Variants in SRSF10 observed in about 807,000 individuals in gnomAD.
SRSF10 encodes serine and arginine rich splicing factor 10, also known as serine/arginine-rich splicing factor 10.
A neutral mutation model predicts 32.6 loss-of-function variants in SRSF10; 9 were observed. That is an observed-to-expected ratio of 0.28 (90% CI 0.17 to 0.48). The LOEUF (loss-of-function observed/expected upper bound fraction) is 0.48, where lower values mean the gene tolerates loss of function less well. SRSF10 is among the 20% of genes least tolerant of loss of function. SRSF10 has a pLI of 0.99. For missense variants in SRSF10, 201 were observed against 331.8 expected, an observed-to-expected ratio of 0.61 and a Z score of 3.06; for synonymous variants, 105 against 112.4, an observed-to-expected ratio of 0.93 and a Z score of 0.42.
At chr1:23,972,399 CA>C (rs1193137538) in intron 3 of SRSF10, among the ~76,000 whole-genome samples, 77 of 139,250 alleles carry the variant, frequency 5.5e-4, no homozygotes, top group East Asian at 1.0e-3. Flanking sequence ...ACCCTGTCTC[CA>C]AAAAAAAAAA....
chr1:23,975,169 A>G, intron 2 of SRSF10, 92 bp from the exon 3 acceptor site: 1 of 1,015,442 alleles, frequency 9.8e-7, no homozygotes. Context: ...ACAATCTCCC[A>G]ATATTATTCC....
In SRSF10 at chr1:23,969,193, T is replaced by A. The variant is rs1467374556; in HGVS notation, c.*1949A>T. 2.0e-6 allele frequency: 2 copies of A among 984,828 alleles called. No homozygotes were observed. Among genetic ancestry groups the A allele is most frequent in the Non-Finnish European group, 2.4e-6 (2 of 829,112 alleles). The allele number at this position is 984,828 out of a possible 1,614,324, so 61.0% of individuals were successfully genotyped here. ...ATGTTTTAAAGGTTGTACACAATAT[T>A]TGTTAAAAAGAACATATAAAAATAC... is the stretch of plus-strand genomic sequence containing the variant. On this transcript the variant is annotated 3_prime_UTR_variant, in exon 6 of 6. Coordinates refer to ENST00000492112, the MANE Select transcript of SRSF10 (RefSeq NM_054016.4).
intron 3 of SRSF10, among the ~76,000 whole-genome samples, chr1:23,974,062 G>A (rs1641933624): frequency 6.6e-6 from 1 of 151,034 alleles, no homozygotes; most frequent in Admixed American, 6.6e-5. Context: ...CATGATCTCG[G>A]CTCACTGCAA....
chr1:23,980,189 A>G lies in SRSF10; in HGVS notation c.65+2T>C, dbSNP rs1251936741. 6.5e-7 allele frequency: 1 copy of G among 1,529,572 alleles called. No individual in the cohort carries two copies. The allele number at this position is 1,529,572 out of a possible 1,614,324, so 94.8% of individuals were successfully genotyped here. On this transcript the variant is annotated splice_donor_variant, in intron 1 of 5. Coordinates refer to ENST00000492112, the MANE Select transcript of SRSF10 (RefSeq NM_054016.4). LOFTEE classifies it high-confidence loss of function. ...GGCCCGGAGTACCTGCCTTGTACCT[A>G]CCTGGTGTCGTCGGCCACGTTCCTG...
chr1:23,974,298 A>C (rs1641951675), intron 3 of SRSF10, among the ~76,000 whole-genome samples: 1 of 152,264 alleles, frequency 6.6e-6, no homozygotes, highest in Non-Finnish European at 1.5e-5. Flanking sequence ...ATCTTGCCCA[A>C]GGTAACATAA....
Position 23,971,444 on chromosome 1 carries a change from C to T in SRSF10, c.492-5G>A. On this transcript the variant is annotated splice_polypyrimidine_tract_variant and splice_region_variant and intron_variant, in intron 5 of 5. Coordinates refer to ENST00000492112, the MANE Select transcript of SRSF10 (RefSeq NM_054016.4). ...GATCGATTTCGGTGTTTGAATCTTT[C>T]AAAACAGAGGAGAGATATAATTAGA... 6.2e-7 allele frequency: 1 copy of T among 1,605,914 alleles called. No homozygotes were observed. The highest frequency in any genetic ancestry group is 8.5e-7 in the Non-Finnish European group (1 of 1,177,658).
intron 2 of SRSF10, chr1:23,978,315 AAAG>A (rs1642208091): frequency 8.0e-6 from 8 of 994,348 alleles, no homozygotes; most frequent in Non-Finnish European, 8.4e-6. Flanking sequence ...GGACAATATT[AAAG>A]AAGTTTACCT....
chr1:23,968,194 T>C lies in SRSF10; in HGVS notation c.*2948A>G, dbSNP rs1409043717. Among the ~76,000 whole-genome samples, 1 of 152,114 alleles carries C rather than the reference T, an allele frequency of 6.6e-6. No homozygotes were observed. ...CAAACTACCATGGGTTCAACTGTAA[T>C]ATAGTCCTTTTGAAGCTGTTAGGTG... On this transcript the variant is annotated 3_prime_UTR_variant, in exon 6 of 6. Coordinates refer to ENST00000492112, the MANE Select transcript of SRSF10 (RefSeq NM_054016.4).
chr1:23,969,046 T>C lies in SRSF10; in HGVS notation c.*2096A>G, dbSNP rs934078960. Reference sequence around the variant, plus strand: ...TGTTTCCATTGTTATTTTAGAATCATATTCAATACTGTAATAATTCCAGTT... The same window carrying C: ...TGTTTCCATTGTTATTTTAGAATCACATTCAATACTGTAATAATTCCAGTT... On this transcript the variant is annotated 3_prime_UTR_variant, in exon 6 of 6. Transcript: ENST00000492112. 6 of 849,908 alleles carry C rather than the reference T, an allele frequency of 7.1e-6. No homozygotes were observed. Among genetic ancestry groups the C allele is most frequent in the Middle Eastern group, 1.2e-3 (2 of 1,660 alleles). The allele number at this position is 849,908 out of a possible 1,614,324, so 52.6% of individuals were successfully genotyped here.
intron 2 of SRSF10, chr1:23,978,016 T>C: frequency 2.0e-6 from 2 of 985,466 alleles, no homozygotes; most frequent in Non-Finnish European, 2.4e-6. Flanking sequence ...TGGCCAAATA[T>C]GACAGATGGC....
rs1477899331 is a variant in SRSF10, at chr1:23,971,931, G to A, written c.356C>T (p.Ser119Phe). The change falls in exon 4 of 6, where the codon TCT (serine) becomes TTT (phenylalanine). Residue 119 changes from serine to phenylalanine, a missense_variant. Around this residue, in one of 3 missense-constraint regions of SRSF10, gnomAD observed 159 missense variants for 196.7 expected, o/e 0.81. Transcript: ENST00000492112. ...CCTCCTTTCATAACTTCGGCTTCTA[G>A]AACGTCTGTATCTGTCATAATCATC... ...RYDDYDRYRR[S>F]RSRSYERRRS... 6.3e-7 allele frequency: 1 copy of A among 1,598,814 alleles called. No homozygotes were observed. The highest frequency in any genetic ancestry group is 8.5e-7 in the Non-Finnish European group (1 of 1,175,270).
Position 23,971,243 on chromosome 1 carries a change from T to C in SRSF10, c.688A>G (p.Lys230Glu). The change falls in exon 6 of 6, where the codon AAA becomes GAA. Residue 230 changes from lysine to glutamate, a missense_variant. Transcript: ENST00000492112. ...TGAGATTTGGATCTAGGTGGTTCTT[T>C]TTTCCTTGATTCCTTTTCATATCTT... ...GSRYEKESRK[K>E]EPPRSKSQSR... 1 of 1,614,086 alleles carries C rather than the reference T, an allele frequency of 6.2e-7. No individual in the cohort carries two copies. The highest frequency in any genetic ancestry group is 8.5e-7 in the Non-Finnish European group (1 of 1,179,966).
intron 1 of SRSF10, among the ~76,000 whole-genome samples, chr1:23,979,523 A>T (rs1642319052): frequency 6.6e-6 from 1 of 152,210 alleles, no homozygotes; most frequent in African/African-American, 2.4e-5. Context: ...TATTTAAGGT[A>T]CGTCTGAATT....
intron 2 of SRSF10, 120 bp downstream of exon 2, chr1:23,978,593 T>C: frequency 1.5e-6 from 2 of 1,296,684 alleles, no homozygotes; most frequent in Admixed American, 3.1e-5. Flanking sequence ...TTTTCAAAAA[T>C]TTGAAGACAG....
In SRSF10 at chr1:23,969,664, A is replaced by G; in HGVS notation, c.*1478T>C. On this transcript the variant is annotated 3_prime_UTR_variant, in exon 6 of 6. Transcript: ENST00000492112. ...TGCTAGCTTTTTATTCTGAAATGAA[A>G]TTGGACATGTCAAGTCACTTTTGTC... The G allele has an allele frequency of 2.0e-6, 2 of 985,146 alleles. No homozygotes were observed. Among genetic ancestry groups the G allele is most frequent in the African/African-American group, 1.7e-5 (1 of 57,374 alleles). 61.0% of individuals were successfully genotyped at this position (985,146 alleles called of 1,614,324 possible).
chr1:23,972,089 T>A (rs1641789090), intron 3 of SRSF10, 77 bp from the exon 4 acceptor site: 2 of 1,270,274 alleles, frequency 1.6e-6, no homozygotes, highest in African/African-American at 1.6e-5. Context: ...GGGAAAAAAA[T>A]CCCTGCATCC....
In SRSF10 at chr1:23,968,463, G is replaced by A. The variant is rs900374843; in HGVS notation, c.*2679C>T. On this transcript the variant is annotated 3_prime_UTR_variant, in exon 6 of 6. Transcript: ENST00000492112. Reference sequence around the variant, plus strand: ...CTCTGCCTTACAGTCTTTTCTTTGTGCCTCAGTTTCCTTATCTGTGATATG... The same window carrying A: ...CTCTGCCTTACAGTCTTTTCTTTGTACCTCAGTTTCCTTATCTGTGATATG... Among the ~76,000 whole-genome samples the A allele has an allele frequency of 9.5e-4, 144 of 152,194 alleles. No individual in the cohort carries two copies. The highest frequency in any genetic ancestry group is 3.2e-3 in the African/African-American group (133 of 41,530).
intron 4 of SRSF10, 64 bp downstream of exon 4, chr1:23,971,786 A>C: frequency 6.5e-7 from 1 of 1,543,526 alleles, no homozygotes; most frequent in Non-Finnish European, 8.7e-7. Flanking sequence ...AAAATAGTAA[A>C]AAAAAATTAA....
rs2148500390 is a variant in SRSF10 at position 23,971,581 on chromosome 1, G to A, written c.483C>T (p.Asp161=). ...AAAGCAAAGTTATTTACCTATCATT[G>A]TCGGAATGGCTTCTGCTACGCCGTG... The part of the protein sequence containing the change: ...GRPRRSRSHS[D]NDRFKHRNRS... The change falls in exon 5 of 6, where the codon GAC becomes GAT. Residue 161 remains aspartate (D), a synonymous_variant. Coordinates refer to ENST00000492112, the MANE Select transcript of SRSF10 (RefSeq NM_054016.4). 1.6e-5 allele frequency: 25 copies of A among 1,610,414 alleles called. No individual in the cohort carries two copies. Among genetic ancestry groups the A allele is most frequent in the Non-Finnish European group, 1.9e-5 (23 of 1,179,628 alleles).
Sources: allele counts gnomAD v4.1 joint callset (sites outside exome capture counted in the v4.1 genomes callset), GRCh38; gene constraint gnomAD v4.1.1; regional missense constraint gnomAD v4.1.1; transcripts MANE v1.5; gene names NCBI Gene and HGNC (gene_info 2026-07-23, HGNC 2026-07-21).